PRKCA: variants seen among roughly 807,000 people sequenced by gnomAD.
PRKCA encodes protein kinase C alpha type.
Under a neutral mutation model 87.0 loss-of-function variants are expected in PRKCA, and 27 were observed. The ratio of observed to expected loss-of-function variants is 0.31; its 90% CI spans 0.23 to 0.43. The LOEUF (loss-of-function observed/expected upper bound fraction) is 0.43. PRKCA is among the 20% of genes least tolerant of loss of function. The pLI is 1.00. For synonymous variants in PRKCA, 329 were observed against 311.1 expected, an observed-to-expected ratio of 1.06 and a Z score of -0.61; for missense variants, 518 against 852.3, an observed-to-expected ratio of 0.61 and a Z score of 4.88.
At chr17:66,492,923 G>C (rs2144098632) in intron 2 of PRKCA, among the ~76,000 whole-genome samples, 1 of 152,278 alleles carries the variant, frequency 6.6e-6, no homozygotes, top group Admixed American at 6.5e-5. Flanking sequence ...TGACTGTGCA[G>C]GGCAGACAGG....
intron 5 of PRKCA, among the ~76,000 whole-genome samples, chr17:66,655,416 C>G (rs945091779): frequency 1.3e-5 from 2 of 152,178 alleles, no homozygotes; most frequent in South Asian, 2.1e-4. Flanking sequence ...AGTGTTTCTT[C>G]CCTCCTCACT....
intron 16 of PRKCA, chr17:66,796,856 C>T (rs1027791970): frequency 1.0e-5 from 10 of 985,304 alleles, no homozygotes; most frequent in South Asian, 4.7e-5. Flanking sequence ...GGTTCCCCTA[C>T]GATGAAGTAC....
At chr17:66,561,122 G>T (rs1872871573) in intron 3 of PRKCA, among the ~76,000 whole-genome samples, 1 of 152,208 alleles carries the variant, frequency 6.6e-6, no homozygotes, top group East Asian at 1.9e-4. Flanking sequence ...CATTTTAAAT[G>T]ATTCTGAAGC....
intron 2 of PRKCA, among the ~76,000 whole-genome samples, chr17:66,347,554 C>T (rs1907462658): frequency 6.6e-6 from 1 of 152,072 alleles, no homozygotes; most frequent in African/African-American, 2.4e-5. Context: ...GTTGGTGTGA[C>T]CGCATTCTTT....
intron 2 of PRKCA, among the ~76,000 whole-genome samples, chr17:66,475,085 G>A (rs1915483464): frequency 6.6e-6 from 1 of 152,168 alleles, no homozygotes. Context: ...TTTGCAGACA[G>A]CTAAGTTGCA....
intron 2 of PRKCA, among the ~76,000 whole-genome samples, chr17:66,477,418 G>A (rs558042614): frequency 6.6e-6 from 1 of 152,254 alleles, no homozygotes; most frequent in Admixed American, 6.5e-5. Context: ...ACAACTTTGT[G>A]GCCGAGCGCG....
intron 8 of PRKCA, among the ~76,000 whole-genome samples, chr17:66,715,017 C>T (rs989936773): frequency 2.6e-5 from 4 of 152,130 alleles, no homozygotes; most frequent in Admixed American, 6.5e-5. Flanking sequence ...TAATGACAGT[C>T]GGCCCTGCTT....
At chr17:66,325,861 C>T (rs923919983) in intron 2 of PRKCA, among the ~76,000 whole-genome samples, 1 of 152,140 alleles carries the variant, frequency 6.6e-6, no homozygotes, top group Non-Finnish European at 1.5e-5. Context: ...CCTTTCCTGT[C>T]TCCCATCCCT....
At chr17:66,306,009 T>A in intron 1 of PRKCA, 87 bp from the exon 2 acceptor site, 1 of 1,201,632 alleles carries the variant, frequency 8.3e-7, no homozygotes, top group Non-Finnish European at 1.2e-6. Flanking sequence ...CCTTTAGTGG[T>A]AGAGTACTTG....
At chr17:66,518,068 G>A (rs1158546465) in intron 3 of PRKCA, among the ~76,000 whole-genome samples, 1 of 152,018 alleles carries the variant, frequency 6.6e-6, no homozygotes, top group Non-Finnish European at 1.5e-5. Flanking sequence ...AAAAAAAAAA[G>A]ATCTCAATGC....
intron 11 of PRKCA, 42 bp downstream of exon 11, chr17:66,738,897 T>C (rs774967870): frequency 6.7e-7 from 1 of 1,490,094 alleles, no homozygotes; most frequent in Admixed American, 1.8e-5. Flanking sequence ...AACAACCAAG[T>C]CCTACCAACT....
At chr17:66,697,850 T>C (rs1972963491) in intron 8 of PRKCA, among the ~76,000 whole-genome samples, 1 of 150,620 alleles carries the variant, frequency 6.6e-6, no homozygotes, top group Non-Finnish European at 1.5e-5. Flanking sequence ...TGCAAGCGTA[T>C]TATGTAGACA....
intron 2 of PRKCA, among the ~76,000 whole-genome samples, chr17:66,314,786 C>A (rs1176700050): frequency 6.6e-6 from 1 of 152,042 alleles, no homozygotes; most frequent in Non-Finnish European, 1.5e-5. Context: ...GAGATTAACT[C>A]ATGGTTTTAC....
intron 13 of PRKCA, among the ~76,000 whole-genome samples, chr17:66,745,878 T>C (rs552151549): frequency 6.6e-6 from 1 of 152,238 alleles, no homozygotes; most frequent in South Asian, 2.1e-4. Context: ...ACCTTTGCAC[T>C]GCTCACTACA....
chr17:66,450,015 G>T (rs1046626850), intron 2 of PRKCA, among the ~76,000 whole-genome samples: 1 of 150,542 alleles, frequency 6.6e-6, no homozygotes, highest in African/African-American at 2.5e-5. Flanking sequence ...AGTGTTTTTT[G>T]TTTTTGTTTT....
chr17:66,439,650 G>A (rs1184525558), intron 2 of PRKCA, among the ~76,000 whole-genome samples: 1 of 152,142 alleles, frequency 6.6e-6, no homozygotes, highest in African/African-American at 2.4e-5. Flanking sequence ...GATCCTTCAC[G>A]TTGGAGGTTT....
chr17:66,405,884 GGCT>G (rs1340995814), intron 2 of PRKCA, among the ~76,000 whole-genome samples: 2 of 152,154 alleles, frequency 1.3e-5, no homozygotes, highest in East Asian at 3.8e-4. Flanking sequence ...AGTTTCTTGT[GGCT>G]GTGTTCCTAT....
intron 16 of PRKCA, chr17:66,796,312 G>A (rs1975667116): frequency 2.6e-6 from 1 of 379,516 alleles, no homozygotes; most frequent in African/African-American, 2.2e-5. Context: ...ACGTAGCAAT[G>A]TATCCGACAG....
At chr17:66,545,191 G>A (rs1477665767) in intron 3 of PRKCA, among the ~76,000 whole-genome samples, 1 of 152,130 alleles carries the variant, frequency 6.6e-6, no homozygotes, top group African/African-American at 2.4e-5. Flanking sequence ...CACTTTGGGA[G>A]GCCAAGGCGG....
Sources: gnomAD v4.1 joint callset for allele counts (sites outside exome capture counted in the v4.1 genomes callset) on GRCh38, gnomAD v4.1.1 for gene constraint, MANE v1.5 for transcripts, NCBI Gene and HGNC (gene_info 2026-07-23, HGNC 2026-07-21) for gene names.